LRRTM4: variants seen among roughly 807,000 people sequenced by gnomAD.
The protein encoded by LRRTM4 is leucine-rich repeat transmembrane neuronal protein 4.
Under a neutral mutation model 47.6 loss-of-function variants are expected in LRRTM4, and 25 were observed. The ratio of observed to expected loss-of-function variants is 0.53; its 90% CI spans 0.38 to 0.73. The LOEUF is 0.73. LRRTM4 is among the 30% of genes least tolerant of loss of function. The pLI, the probability that LRRTM4 is intolerant of heterozygous loss-of-function variation, is 0.00. For synonymous variants in LRRTM4, 311 were observed against 269.5 expected (o/e 1.15, Z -1.51); for missense variants, 638 against 713.4 (o/e 0.89, Z 1.20).
intron 3 of LRRTM4, among the ~76,000 whole-genome samples, chr2:77,323,697 T>A (rs1670643932): frequency 6.6e-6 from 1 of 152,138 alleles, no homozygotes; most frequent in African/African-American, 2.4e-5. Flanking sequence ...ATCACACATT[T>A]AAAAGACATC....
rs1214581124 is a variant in LRRTM4, at chr2:76,748,375, C to T, written c.*320G>A. 3.7e-6 allele frequency: 1 copy of T among 270,530 alleles called. No individual in the cohort carries two copies. The highest frequency in any genetic ancestry group is 5.1e-5 in the Admixed American group (1 of 19,638). 16.8% of individuals were successfully genotyped at this position (270,530 alleles called of 1,614,324 possible). A position where few individuals can be genotyped will look rare whatever the true frequency, so the allele number is the denominator to read the frequency against. ...ATGCAGTGTAGAAAAATCAAATATA[C>T]AAACAAACCTATATGTAGCTAGGGT... On this transcript the variant is annotated 3_prime_UTR_variant, in exon 4 of 4. Transcript: ENST00000409884.
At chr2:76,867,658 A>C (rs903075903) in intron 3 of LRRTM4, among the ~76,000 whole-genome samples, 2 of 152,218 alleles carry the variant, frequency 1.3e-5, no homozygotes, top group Non-Finnish European at 1.5e-5. Flanking sequence ...AATATACTCC[A>C]TCACTGTGAA....
chr2:77,012,082 C>T (rs12992834), intron 3 of LRRTM4, among the ~76,000 whole-genome samples: 53,279 of 151,732 alleles, frequency 0.35, 10,464 homozygotes, highest in East Asian at 0.52. Context: ...AAATCTCACG[C>T]AAAATGTTGT....
At chr2:77,209,856 T>C (rs577088008) in intron 3 of LRRTM4, among the ~76,000 whole-genome samples, 1 of 152,320 alleles carries the variant, frequency 6.6e-6, no homozygotes, top group East Asian at 1.9e-4. Flanking sequence ...TGGATAATAG[T>C]AACTCAGCAG....
At chr2:77,343,183 C>T (rs1671438444) in intron 3 of LRRTM4, among the ~76,000 whole-genome samples, 1 of 151,920 alleles carries the variant, frequency 6.6e-6, no homozygotes, top group Non-Finnish European at 1.5e-5. Context: ...TCACTTGCAA[C>T]CAAAAGAGCT....
intron 3 of LRRTM4, among the ~76,000 whole-genome samples, chr2:77,066,270 C>T (rs996319099): frequency 1.3e-5 from 2 of 151,412 alleles, no homozygotes; most frequent in African/African-American, 2.4e-5. Flanking sequence ...ATCTATAAAA[C>T]TGGGTTAATC....
At chr2:77,337,307 C>G (rs919671942) in intron 3 of LRRTM4, among the ~76,000 whole-genome samples, 1 of 151,996 alleles carries the variant, frequency 6.6e-6, no homozygotes, top group Non-Finnish European at 1.5e-5. Context: ...AAAGGAATCT[C>G]CAAATTTAAC....
chr2:77,308,128 T>G lies in LRRTM4; in HGVS notation c.1551+210190A>C, dbSNP rs574700031. ...ATGTTATATATTATTTATATATAAT[T>G]TTATCTATATATAGTTTTACCATTT... On this transcript the variant is annotated intron_variant, in intron 3 of 3. Transcript: ENST00000409884. 1.3e-3 allele frequency among the ~76,000 whole-genome samples: 190 copies of G among 146,520 alleles called. 1 individual carries two copies. The highest frequency in any genetic ancestry group is 5.1e-3 in the Middle Eastern group (1 of 196).
chr2:76,967,752 T>C (rs775805134), intron 3 of LRRTM4, among the ~76,000 whole-genome samples: 3 of 151,620 alleles, frequency 2.0e-5, no homozygotes, highest in Non-Finnish European at 3.0e-5. Flanking sequence ...CAGCTCAGAT[T>C]TCATTTATTT....
chr2:76,890,723 G>T (rs561232693), intron 3 of LRRTM4, among the ~76,000 whole-genome samples: 1 of 151,244 alleles, frequency 6.6e-6, no homozygotes, highest in African/African-American at 2.4e-5. Context: ...AAAAAATAAC[G>T]AACATAACTG....
chr2:76,911,647 GA>G (rs1166818006), intron 3 of LRRTM4, among the ~76,000 whole-genome samples: 1 of 152,082 alleles, frequency 6.6e-6, no homozygotes. Context: ...GAAAGAGCCA[GA>G]GAGAGAAGAG....
intron 3 of LRRTM4, among the ~76,000 whole-genome samples, chr2:77,052,150 C>CTTTTTTTTTTT (rs70939841): frequency 9.4e-5 from 6 of 63,596 alleles, no homozygotes; most frequent in African/African-American, 4.1e-4. Flanking sequence ...GTTACATTTC[C>CTTTTTTTTTTT]TTTTTTTTTT....
At chr2:77,355,214 T>G (rs2104303771) in intron 3 of LRRTM4, among the ~76,000 whole-genome samples, 1 of 152,310 alleles carries the variant, frequency 6.6e-6, no homozygotes, top group South Asian at 2.1e-4. Context: ...GATAGCATCT[T>G]TTGGATGTCA....
In LRRTM4 at chr2:76,811,422, C is replaced by G. The variant is rs1483822143; in HGVS notation, c.1552-62506G>C. ...GAGGAAAGTGTGAGCAAGGACAAAA[C>G]AACATTGGCTGGGGACTCTTGGGAG... On this transcript the variant is annotated intron_variant, in intron 3 of 3. Coordinates refer to ENST00000409884, the MANE Select transcript of LRRTM4 (RefSeq NM_001134745.3). Among the ~76,000 whole-genome samples the G allele has an allele frequency of 2.0e-5, 3 of 152,212 alleles. No individual in the cohort carries two copies. The East Asian group carries it at 5.8e-4, about 29-fold the overall frequency.
intron 3 of LRRTM4, among the ~76,000 whole-genome samples, chr2:76,868,539 G>T (rs1672529870): frequency 6.6e-6 from 1 of 152,146 alleles, no homozygotes; most frequent in Non-Finnish European, 1.5e-5. Flanking sequence ...AATTTAACGG[G>T]GCTATTTTAG....
At chr2:76,976,412 T>C (rs990834917) in intron 3 of LRRTM4, among the ~76,000 whole-genome samples, 1 of 151,404 alleles carries the variant, frequency 6.6e-6, no homozygotes, top group East Asian at 1.9e-4. Flanking sequence ...AACATTTCAT[T>C]AAAAAAAATA....
At position 76,895,854 on chromosome 2, in the gene LRRTM4, C is replaced by G. The variant is rs138986780; in HGVS notation, c.1552-146938G>C. Among the ~76,000 whole-genome samples the G allele has an allele frequency of 5.5e-3, 843 of 152,146 alleles. 10 individuals carry two copies. Among genetic ancestry groups the G allele is most frequent in the African/African-American group, 0.019 (801 of 41,524 alleles). On this transcript the variant is annotated intron_variant, in intron 3 of 3. Coordinates refer to ENST00000409884, the MANE Select transcript of LRRTM4 (RefSeq NM_001134745.3). ...CAACCCCGATTACTTACCTTGACAACTGAATTAATCTTCTTCTTTTCTTTT... is the reference window on the plus strand; with the variant it reads ...CAACCCCGATTACTTACCTTGACAAGTGAATTAATCTTCTTCTTTTCTTTT...
chr2:77,203,866 T>G (rs1016276009), intron 3 of LRRTM4, among the ~76,000 whole-genome samples: 1 of 152,184 alleles, frequency 6.6e-6, no homozygotes, highest in Admixed American at 6.6e-5. Flanking sequence ...TATAAGAGAA[T>G]TAAAACTCAA....
rs971568678 is a variant in LRRTM4 at position 77,369,537 on chromosome 2, A to G, written c.1551+148781T>C. On this transcript the variant is annotated intron_variant, in intron 3 of 3. Transcript: ENST00000409884. ...GATTTTCGCTAAATAAGTAGATGATAGCTGCTGGGGTGGTGAGTAGATAAT... is the reference window on the plus strand; with the variant it reads ...GATTTTCGCTAAATAAGTAGATGATGGCTGCTGGGGTGGTGAGTAGATAAT... 2.6e-5 allele frequency among the ~76,000 whole-genome samples: 4 copies of G among 151,838 alleles called. No homozygotes were observed. In the South Asian group the frequency reaches 8.3e-4, roughly 31 times the overall value.
Sources: gnomAD v4.1 joint callset for allele counts (sites outside exome capture counted in the v4.1 genomes callset) on GRCh38, gnomAD v4.1.1 for gene constraint, MANE v1.5 for transcripts, NCBI Gene and HGNC (gene_info 2026-07-23, HGNC 2026-07-21) for gene names.